PTPRD: variants seen among roughly 807,000 people sequenced by gnomAD.
PTPRD encodes the protein protein tyrosine phosphatase receptor type D, also known as receptor-type tyrosine-protein phosphatase delta.
Under a neutral mutation model 214.5 loss-of-function variants are expected in PTPRD, and 34 were observed. The ratio of observed to expected loss-of-function variants is 0.16; its 90% CI spans 0.12 to 0.21. PTPRD has a LOEUF of 0.21. Among genes scored for constraint, PTPRD ranks in the 10% least tolerant of loss-of-function variants. PTPRD has a pLI of 1.00. For missense variants in PTPRD, 2,545 were observed against 2,398.7 expected (o/e 1.06, Z -1.27); for synonymous variants, 1,128 against 845.7 (o/e 1.33, Z -5.79).
chr9:9,513,903 A>C (rs909384573), intron 8 of PTPRD, among the ~76,000 whole-genome samples: 7 of 152,072 alleles, frequency 4.6e-5, no homozygotes, highest in African/African-American at 1.7e-4. Flanking sequence ...TGTTGATGGC[A>C]GAAGAGAGTA....
At chr9:9,601,662 A>G (rs79562196) in intron 7 of PTPRD, among the ~76,000 whole-genome samples, 1 of 152,124 alleles carries the variant, frequency 6.6e-6, no homozygotes, top group East Asian at 1.9e-4. Context: ...CATCATAAAT[A>G]TGATCCTTGA....
intron 9 of PTPRD, among the ~76,000 whole-genome samples, chr9:9,203,319 T>A (rs2099942980): frequency 6.6e-6 from 1 of 151,882 alleles, no homozygotes; most frequent in African/African-American, 2.4e-5. Flanking sequence ...GGTGATGGAG[T>A]CAGGGCCACA....
intron 2 of PTPRD, among the ~76,000 whole-genome samples, chr9:10,536,631 G>A (rs371886934): frequency 1.3e-5 from 2 of 152,054 alleles, no homozygotes; most frequent in African/African-American, 2.4e-5. Context: ...ATGCAGTTCT[G>A]AGTGTAAAAA....
intron 9 of PTPRD, among the ~76,000 whole-genome samples, chr9:9,234,080 C>G (rs1462186842): frequency 6.6e-6 from 1 of 152,188 alleles, no homozygotes; most frequent in Non-Finnish European, 1.5e-5. Context: ...CAGAGGTTCT[C>G]CATGAGGGCT....
intron 3 of PTPRD, among the ~76,000 whole-genome samples, chr9:10,058,433 T>C (rs1205549943): frequency 1.3e-5 from 2 of 152,092 alleles, no homozygotes; most frequent in African/African-American, 4.8e-5. Flanking sequence ...TTGCTACTTA[T>C]CAAAATGTAT....
chr9:9,001,398 T>A (rs1272645585), intron 11 of PTPRD, among the ~76,000 whole-genome samples: 2 of 151,998 alleles, frequency 1.3e-5, no homozygotes, highest in African/African-American at 4.8e-5. Flanking sequence ...TTTACATAAC[T>A]AGTAGGTTAC....
intron 18 of PTPRD, chr9:8,524,716 C>A: frequency 1.4e-6 from 1 of 697,902 alleles, no homozygotes; most frequent in South Asian, 1.5e-5. Flanking sequence ...AACTCCAAGC[C>A]TCAGGACAGA....
At chr9:8,990,398 G>C (rs1191848914) in intron 11 of PTPRD, among the ~76,000 whole-genome samples, 1 of 152,146 alleles carries the variant, frequency 6.6e-6, no homozygotes, top group African/African-American at 2.4e-5. Flanking sequence ...AATTCACAGA[G>C]AGCAGGGACT....
intron 8 of PTPRD, among the ~76,000 whole-genome samples, chr9:9,532,734 G>C (rs1309589606): frequency 1.3e-5 from 2 of 152,106 alleles, no homozygotes; most frequent in African/African-American, 2.4e-5. Context: ...TTTCAGGAAG[G>C]CTTCCATTTC....
intron 5 of PTPRD, among the ~76,000 whole-genome samples, chr9:9,854,793 T>A (rs1311379850): frequency 1.3e-5 from 2 of 152,202 alleles, no homozygotes; most frequent in East Asian, 1.9e-4. Context: ...GACCTTTTGC[T>A]AATTTTGACA....
At chr9:9,714,715 G>C (rs1319125583) in intron 7 of PTPRD, among the ~76,000 whole-genome samples, 5 of 152,166 alleles carry the variant, frequency 3.3e-5, no homozygotes, top group African/African-American at 1.2e-4. Context: ...ACTGATAGCT[G>C]TGAGTTCTCT....
chr9:9,873,616 C>G (rs1458705059), intron 5 of PTPRD, among the ~76,000 whole-genome samples: 1 of 152,016 alleles, frequency 6.6e-6, no homozygotes, highest in Non-Finnish European at 1.5e-5. Context: ...TAATGCCATG[C>G]CTATAGTTAT....
intron 10 of PTPRD, among the ~76,000 whole-genome samples, chr9:9,156,977 C>T (rs2099881751): frequency 6.6e-6 from 1 of 152,158 alleles, no homozygotes; most frequent in African/African-American, 2.4e-5. Flanking sequence ...TCTCTGCTAC[C>T]AAGTGGTTAT....
intron 3 of PTPRD, among the ~76,000 whole-genome samples, chr9:10,181,103 T>G (rs1049124675): frequency 6.6e-6 from 1 of 151,976 alleles, no homozygotes; most frequent in Non-Finnish European, 1.5e-5. Context: ...GGCTTGAAAT[T>G]AAGAGATAAA....
At chr9:9,432,929 C>A (rs950275825) in intron 8 of PTPRD, among the ~76,000 whole-genome samples, 39 of 152,266 alleles carry the variant, frequency 2.6e-4, no homozygotes, top group African/African-American at 7.9e-4. Context: ...CAATGCTTTA[C>A]TTTCAAATAT....
intron 8 of PTPRD, among the ~76,000 whole-genome samples, chr9:9,477,673 C>T (rs1166517062): frequency 6.6e-6 from 1 of 152,072 alleles, no homozygotes; most frequent in East Asian, 1.9e-4. Context: ...TACTACTGGA[C>T]TCTGAAACGT....
At chr9:9,479,347 GCACACA>G (rs5896339) in intron 8 of PTPRD, among the ~76,000 whole-genome samples, 1,968 of 146,768 alleles carry the variant, frequency 0.013, 44 homozygotes, top group African/African-American at 0.047. Context: ...GAAAACTGAT[GCACACA>G]CACACACACA....
At chr9:9,044,433 C>T (rs1039693454) in intron 10 of PTPRD, among the ~76,000 whole-genome samples, 10 of 152,196 alleles carry the variant, frequency 6.6e-5, no homozygotes, top group African/African-American at 1.9e-4. Context: ...ACTTTTGCAG[C>T]AAACTCAGTA....
chr9:9,339,283 C>G (rs1453414490), intron 9 of PTPRD, among the ~76,000 whole-genome samples: 1 of 151,470 alleles, frequency 6.6e-6, no homozygotes, highest in Non-Finnish European at 1.5e-5. Context: ...CGAGACCATC[C>G]TGGCTAACAT....
Sources: gnomAD v4.1 joint callset for allele counts (sites outside exome capture counted in the v4.1 genomes callset) on GRCh38, gnomAD v4.1.1 for gene constraint, MANE v1.5 for transcripts, NCBI Gene and HGNC (gene_info 2026-07-23, HGNC 2026-07-21) for gene names.